Variants in MGAT4A observed in about 807,000 individuals in gnomAD.
MGAT4A encodes alpha-1,3-mannosyl-glycoprotein 4-beta-N-acetylglucosaminyltransferase A, also known as N-acetylglucosaminyltransferase IVa.
A neutral mutation model predicts 74.1 loss-of-function variants in MGAT4A; 33 were observed. That is an observed-to-expected ratio of 0.45 (90% CI 0.34 to 0.60). The LOEUF is 0.60. Ranked by LOEUF, MGAT4A falls within the 20% of genes least tolerant of loss-of-function variation. The pLI, the probability that MGAT4A is intolerant of heterozygous loss-of-function variation, is 0.02. For missense variants in MGAT4A, 479 were observed against 628.3 expected, an observed-to-expected ratio of 0.76 and a Z score of 2.54; for synonymous variants, 198 against 210.4, an observed-to-expected ratio of 0.94 and a Z score of 0.51.
At chr2:98,639,647 G>A (rs953298276) in intron 12 of MGAT4A, among the ~76,000 whole-genome samples, 161 bp downstream of exon 12, 8 of 152,004 alleles carry the variant, frequency 5.3e-5, no homozygotes, top group Admixed American at 3.9e-4. Context: ...CAACATACTC[G>A]TTTTATTATG....
Position 98,624,796 on chromosome 2 carries a change from G to A in MGAT4A, c.*770C>T, listed in dbSNP as rs1166460936. The A allele has an allele frequency of 9.1e-6, 9 of 984,780 alleles. No individual in the cohort carries two copies. Among genetic ancestry groups the A allele is most frequent in the Non-Finnish European group, 9.6e-6 (8 of 829,088 alleles). The allele number at this position is 984,780 out of a possible 1,614,324, so 61.0% of individuals were successfully genotyped here. ...AAATTTATCAGACTGACTTTCTGTG[G>A]CTATACACCATACACAGTATAGTAA... On this transcript the variant is annotated 3_prime_UTR_variant, in exon 16 of 16. Transcript: ENST00000393487.
Position 98,622,698 on chromosome 2 carries a change from C to G in MGAT4A, c.*2868G>C, listed in dbSNP as rs1458143157. 1 of 985,562 alleles carries G rather than the reference C, an allele frequency of 1.0e-6. No individual in the cohort carries two copies. The highest frequency in any genetic ancestry group is 1.7e-5 in the African/African-American group (1 of 57,216). The allele number at this position is 985,562 out of a possible 1,614,324, so 61.1% of individuals were successfully genotyped here. On this transcript the variant is annotated 3_prime_UTR_variant, in exon 16 of 16. Coordinates refer to ENST00000393487, the MANE Select transcript of MGAT4A (RefSeq NM_012214.3). ...AACAGTGAGAGGCCCTGAGCACCCACCATAGGAGAGGACAGATGAGCAGTA... is the reference window on the plus strand; with the variant it reads ...AACAGTGAGAGGCCCTGAGCACCCAGCATAGGAGAGGACAGATGAGCAGTA...
chr2:98,644,018 C>T lies in MGAT4A; in HGVS notation c.925G>A (p.Val309Ile), dbSNP rs1433743674. ...TTGTAAAACATGAATATGAATTCTA[C>T]AATCAGAGTAAGATCCGGCGCTTGA... ...MFQAPDLTLI[V>I]EFIFMFYKEK... is the part of the protein sequence containing the mutation. Residue 309 changes from valine (V) to isoleucine (I), a missense_variant, in exon 10 of 16, where the codon GTA becomes ATA. Around this residue, in one of 3 missense-constraint regions of MGAT4A, gnomAD observed 236 missense variants for 308.2 expected, o/e 0.77. Coordinates refer to ENST00000393487, the MANE Select transcript of MGAT4A (RefSeq NM_012214.3). The T allele has an allele frequency of 2.5e-6, 4 of 1,604,118 alleles. No individual in the cohort carries two copies. Among genetic ancestry groups the T allele is most frequent in the South Asian group, 1.1e-5 (1 of 90,172 alleles).
chr2:98,663,347 T>G, intron 4 of MGAT4A, 168 bp from the exon 5 acceptor site: 1 of 1,531,228 alleles, frequency 6.5e-7, no homozygotes, highest in Non-Finnish European at 8.8e-7. Flanking sequence ...ATACCTGTAA[T>G]ACTGTAATTC....
At chr2:98,707,674 A>G (rs1005701873) in intron 2 of MGAT4A, among the ~76,000 whole-genome samples, 2 of 152,198 alleles carry the variant, frequency 1.3e-5, no homozygotes, top group African/African-American at 4.8e-5. Flanking sequence ...AAGAGAACCA[A>G]GGTCTCCAGA....
intron 10 of MGAT4A, among the ~76,000 whole-genome samples, chr2:98,640,749 T>A (rs1701394680): frequency 2.0e-5 from 3 of 152,180 alleles, no homozygotes; most frequent in Non-Finnish European, 4.4e-5. Flanking sequence ...TCCAGAAATT[T>A]AAAATAAGCA....
Position 98,677,898 on chromosome 2 carries a change from T to C in MGAT4A, c.262+406A>G, listed in dbSNP as rs1189686536. ...GGGCTGGCTTATAAACTATTCTACA[T>C]GACTTTCAAAAAAAAATTCCACATG... On this transcript the variant is annotated intron_variant, in intron 3 of 15. Transcript: ENST00000393487. Among the ~76,000 whole-genome samples, 3 of 149,334 alleles carry C rather than the reference T, an allele frequency of 2.0e-5. No individual in the cohort carries two copies. In the Admixed American group the frequency reaches 2.0e-4, roughly 10 times the overall value.
intron 1 of MGAT4A, among the ~76,000 whole-genome samples, chr2:98,727,758 T>G (rs1377504835): frequency 6.6e-6 from 1 of 152,212 alleles, no homozygotes; most frequent in Non-Finnish European, 1.5e-5. Context: ...TGAACACTAC[T>G]AGAAATTCCC....
chr2:98,638,244 A>G (rs753438096), intron 12 of MGAT4A, among the ~76,000 whole-genome samples: 9 of 152,188 alleles, frequency 5.9e-5, no homozygotes, highest in Non-Finnish European at 1.3e-4. Flanking sequence ...TATATGTAAA[A>G]CATTGTTTTT....
intron 5 of MGAT4A, 46 bp downstream of exon 5, chr2:98,663,000 T>G: frequency 7.3e-7 from 1 of 1,362,054 alleles, no homozygotes. Context: ...GTTTCAACTC[T>G]TATAGGCTAT....
rs746717825 is a variant in MGAT4A at position 98,625,539 on chromosome 2, G to GA, written c.*26dup. ...CTATCTTTAATTAACAAATTCACAG[G>GA]AAAAAATGTGTTGGTTTCTCAGATG... On this transcript the variant is annotated 3_prime_UTR_variant, in exon 16 of 16. Coordinates refer to ENST00000393487, the MANE Select transcript of MGAT4A (RefSeq NM_012214.3). 2.5e-6 allele frequency: 4 copies of GA among 1,601,024 alleles called. No individual in the cohort carries two copies. Among genetic ancestry groups the GA allele is most frequent in the South Asian group, 2.3e-5 (2 of 88,152 alleles).
rs751958159 is a variant in MGAT4A at position 98,644,001 on chromosome 2, C to T, written c.942G>A (p.Met314Ile). The T allele has an allele frequency of 1.2e-6, 2 of 1,605,496 alleles. No homozygotes were observed. The highest frequency in any genetic ancestry group is 1.1e-5 in the South Asian group (1 of 90,250). ...DLTLIVEFIF[M>I]FYKEKPIDWL... Reference sequence around the variant, plus strand: ...AATCAATGGGTTTCTCCTTGTAAAACATGAATATGAATTCTACAATCAGAG... The same window carrying T: ...AATCAATGGGTTTCTCCTTGTAAAATATGAATATGAATTCTACAATCAGAG... The change falls in exon 10 of 16, where the codon ATG becomes ATA. Residue 314 changes from methionine (M) to isoleucine (I), a missense_variant. By Grantham distance (10) the Met-to-Ile change is conservative. Around this residue, in one of 3 missense-constraint regions of MGAT4A, gnomAD observed 236 missense variants for 308.2 expected, o/e 0.77. Coordinates refer to ENST00000393487, the MANE Select transcript of MGAT4A (RefSeq NM_012214.3).
At position 98,621,132 on chromosome 2, in the gene MGAT4A, T is replaced by C. The variant is rs1347691258; in HGVS notation, c.*4434A>G. 1.7e-5 allele frequency: 5 copies of C among 293,376 alleles called. No individual in the cohort carries two copies. The highest frequency in any genetic ancestry group is 3.1e-5 in the Non-Finnish European group (5 of 159,806). The allele number at this position is 293,376 out of a possible 1,614,324, so 18.2% of individuals were successfully genotyped here. Reference sequence around the variant, plus strand: ...TTCCTACATAACAAATTGCCACAAATTTAGCAGCTTAAAACACCACTGATT... The same window carrying C: ...TTCCTACATAACAAATTGCCACAAACTTAGCAGCTTAAAACACCACTGATT... On this transcript the variant is annotated 3_prime_UTR_variant, in exon 16 of 16. Transcript: ENST00000393487.
chr2:98,728,311 C>T (rs1471095407), intron 1 of MGAT4A, among the ~76,000 whole-genome samples: 1 of 152,228 alleles, frequency 6.6e-6, no homozygotes, highest in Non-Finnish European at 1.5e-5. Flanking sequence ...AAGCACCTAA[C>T]CTCTTTTACT....
At chr2:98,720,449 G>A (rs928749433) in intron 2 of MGAT4A, among the ~76,000 whole-genome samples, 8 of 152,184 alleles carry the variant, frequency 5.3e-5, no homozygotes, top group Admixed American at 5.2e-4. Context: ...AACTTGAACT[G>A]GGACTTTCAC....
In MGAT4A at chr2:98,664,262, T is replaced by C. The variant is rs1347858878; in HGVS notation, c.404-1083A>G. Among the ~76,000 whole-genome samples, 7 of 148,598 alleles carry C rather than the reference T, an allele frequency of 4.7e-5. No homozygotes were observed. The East Asian group carries it at 1.4e-3, about 29-fold the overall frequency. On this transcript the variant is annotated intron_variant, in intron 4 of 15. Transcript: ENST00000393487. ...AACTTTGTGTACTATTTGTGCAACATTTTTAAAGACTAAAATTACAGTCAA... is the reference window on the plus strand; with the variant it reads ...AACTTTGTGTACTATTTGTGCAACACTTTTAAAGACTAAAATTACAGTCAA...
Position 98,679,279 on chromosome 2 carries a change from G to A in MGAT4A, c.95-808C>T, listed in dbSNP as rs1040671829. ...AAATTAGCCAGGAGCGGTGGTGGGC[G>A]CCTGTAGTCCCAGCTACTCGGGAGG... On this transcript the variant is annotated intron_variant, in intron 2 of 15. Coordinates refer to ENST00000393487, the MANE Select transcript of MGAT4A (RefSeq NM_012214.3). Among the ~76,000 whole-genome samples, 4 of 152,086 alleles carry A rather than the reference G, an allele frequency of 2.6e-5. No homozygotes were observed. In the East Asian group the frequency reaches 5.8e-4, roughly 22 times the overall value.
rs149626440 is a variant in MGAT4A, at chr2:98,722,114, G to C, written c.94+4125C>G. ...ATTCCTCAAATGATTAAACATAATA[G>C]AGTTATGATAGGACCCAGCAATTCC... On this transcript the variant is annotated intron_variant, in intron 2 of 15. Transcript: ENST00000393487. 9.8e-5 allele frequency among the ~76,000 whole-genome samples: 15 copies of C among 152,316 alleles called. No homozygotes were observed. In the East Asian group the frequency reaches 2.7e-3, roughly 27 times the overall value.
intron 2 of MGAT4A, among the ~76,000 whole-genome samples, chr2:98,680,975 TTTG>T (rs58067622): frequency 4.6e-5 from 7 of 152,146 alleles, no homozygotes; most frequent in South Asian, 2.1e-4. Flanking sequence ...AGTATCCTTT[TTTG>T]TTGTTGTTGT....
Sources: gnomAD v4.1 joint callset for allele counts (sites outside exome capture counted in the v4.1 genomes callset) on GRCh38, gnomAD v4.1.1 for gene constraint, gnomAD v4.1.1 regional missense constraint, MANE v1.5 for transcripts, NCBI Gene and HGNC (gene_info 2026-07-23, HGNC 2026-07-21) for gene names.